Variants in ARID5A observed in about 807,000 individuals in gnomAD.
ARID5A encodes the protein AT-rich interaction domain 5A, also known as AT-rich interactive domain-containing protein 5A.
ARID5A carries 14 observed loss-of-function variants against 30.5 expected under a neutral mutation model. The observed-to-expected ratio is 0.46, with a 90% confidence interval of 0.30 to 0.72. The LOEUF is 0.72. Among genes scored for constraint, ARID5A ranks in the 30% least tolerant of loss-of-function variants. ARID5A has a pLI of 0.07. For synonymous variants in ARID5A, 338 were observed against 340.4 expected (o/e 0.99, Z 0.08); for missense variants, 669 against 786.2 (o/e 0.85, Z 1.78).
At chr2:96,540,667 A>G (rs918750320) in intron 1 of ARID5A, among the ~76,000 whole-genome samples, 13 of 152,232 alleles carry the variant, frequency 8.5e-5, no homozygotes, top group African/African-American at 2.4e-4. Flanking sequence ...GAAAGATGCA[A>G]TACTGTAAAG....
chr2:96,551,113 G>A lies in ARID5A; in HGVS notation c.585G>A (p.Lys195=), dbSNP rs2066031034. 2 of 1,612,168 alleles carry A rather than the reference G, an allele frequency of 1.2e-6. No homozygotes were observed. Among genetic ancestry groups the A allele is most frequent in the Middle Eastern group, 1.6e-4 (1 of 6,070 alleles). ...TCTCATTCCAGATGATGCCAGGAAA[G>A]ACCAAAGCAGATGCTGCTGACCCAG... ...ERRMDQMMPG[K]TKADAADPAP... Residue 195 remains lysine (K), a synonymous_variant, in exon 7 of 7, where the codon AAG becomes AAA. Transcript: ENST00000357485.
Position 96,552,107 on chromosome 2 carries a change from A to G in ARID5A, c.1579A>G (p.Ser527Gly). The G allele has an allele frequency of 6.2e-7, 1 of 1,606,588 alleles. No individual in the cohort carries two copies. ...GAAGGGCCAGGCTGCACTCCCCTTCAGCCCCCTGGTCATCCCGGCCTTCCC... is the reference window on the plus strand; with the variant it reads ...GAAGGGCCAGGCTGCACTCCCCTTCGGCCCCCTGGTCATCCCGGCCTTCCC... ...PLKGQAALPF[S>G]PLVIPAFPAH... Residue 527 changes from serine to glycine, a missense_variant, in exon 7 of 7, where the codon AGC becomes GGC. Physicochemically the swap from Ser to Gly is moderately conservative, Grantham distance 56 (BLOSUM62 0). Transcript: ENST00000357485.
intron 1 of ARID5A, among the ~76,000 whole-genome samples, chr2:96,545,811 G>A (rs1178421410): frequency 1.3e-5 from 2 of 151,842 alleles, no homozygotes; most frequent in African/African-American, 2.4e-5. Flanking sequence ...AAAATTAGCC[G>A]GGCTTAGTGG....
intron 1 of ARID5A, 25 bp downstream of exon 1, chr2:96,536,855 G>A: frequency 3.3e-6 from 4 of 1,225,680 alleles, no homozygotes; most frequent in Non-Finnish European, 4.1e-6. Context: ...GGCGCGGCCC[G>A]GACAGGGGCT....
chr2:96,551,487 C>T lies in ARID5A; in HGVS notation c.959C>T (p.Ala320Val), dbSNP rs1423457039. 6.3e-7 allele frequency: 1 copy of T among 1,589,364 alleles called. No individual in the cohort carries two copies. The highest frequency in any genetic ancestry group is 1.3e-5 in the African/African-American group (1 of 74,324). Residue 320 changes from alanine (A) to valine (V), a missense_variant, in exon 7 of 7, where the codon GCC becomes GTC. Around this residue, in one of 4 missense-constraint regions of ARID5A, gnomAD observed 548 missense variants for 577.4 expected, o/e 0.95. Coordinates refer to ENST00000357485, the MANE Select transcript of ARID5A (RefSeq NM_212481.3). Reference sequence around the variant, plus strand: ...CTGACCCCTCAGGAGGGATTGCAGGCCCCAGGTGGCAGCCTCAGAGAGGAG... The same window carrying T: ...CTGACCCCTCAGGAGGGATTGCAGGTCCCAGGTGGCAGCCTCAGAGAGGAG... ...HRLTPQEGLQ[A>V]PGGSLREEAQ...
At chr2:96,542,933 A>T (rs559185206) in intron 1 of ARID5A, among the ~76,000 whole-genome samples, 1 of 152,134 alleles carries the variant, frequency 6.6e-6, no homozygotes, top group Non-Finnish European at 1.5e-5. Context: ...GCTAGCAAAG[A>T]ACTCAAGGAT....
rs895299786 is a variant in ARID5A, at chr2:96,537,766, G to A, written c.4+936G>A. 5.2e-6 allele frequency: 4 copies of A among 765,216 alleles called. No individual in the cohort carries two copies. In the African/African-American group the frequency reaches 7.5e-5, roughly 14 times the overall value. The allele number at this position is 765,216 out of a possible 1,614,324, so 47.4% of individuals were successfully genotyped here. Reference sequence around the variant, plus strand: ...GGTGTCTAGGGGTCGCCCGGGCTGGGGTCGCGTCACCCTCCGCCCAGCGCC... The same window carrying A: ...GGTGTCTAGGGGTCGCCCGGGCTGGAGTCGCGTCACCCTCCGCCCAGCGCC... On this transcript the variant is annotated intron_variant, in intron 1 of 6. Coordinates refer to ENST00000357485, the MANE Select transcript of ARID5A (RefSeq NM_212481.3). The surrounding 1 kb of genome is among the most constrained non-coding windows in gnomAD (Gnocchi z 4.8).
At position 96,537,974 on chromosome 2, in the gene ARID5A, C is replaced by T. The variant is rs1275246613; in HGVS notation, c.4+1144C>T. Reference sequence around the variant, plus strand: ...CTCCTCTGGTGGGAGCCCACACGCACGGTGGCGTCACTGCGCCTACAGGCA... The same window carrying T: ...CTCCTCTGGTGGGAGCCCACACGCATGGTGGCGTCACTGCGCCTACAGGCA... On this transcript the variant is annotated intron_variant, in intron 1 of 6. Coordinates refer to ENST00000357485, the MANE Select transcript of ARID5A (RefSeq NM_212481.3). This position sits in a 1 kb window ranked among gnomAD's most constrained non-coding sequence, Gnocchi z 4.8. 2 of 985,348 alleles carry T rather than the reference C, an allele frequency of 2.0e-6. No individual in the cohort carries two copies. The highest frequency in any genetic ancestry group is 4.7e-5 in the South Asian group (1 of 21,288). 61.0% of individuals were successfully genotyped at this position (985,348 alleles called of 1,614,324 possible).
chr2:96,552,296 C>A lies in ARID5A; in HGVS notation c.1768C>A (p.Leu590Ile), dbSNP rs2066070200. ...TTYAAPHFFHLNTKL is the reference protein window; with the variant it reads ...TTYAAPHFFHINTKL ...CTATGCAGCGCCCCACTTCTTCCAC[C>A]TCAACACCAAGCTGTAGGCCAGCCC... The change falls in exon 7 of 7, where the codon CTC becomes ATC. Residue 590 changes from leucine to isoleucine, a missense_variant. By Grantham distance (5) the Leu-to-Ile change is conservative. Transcript: ENST00000357485. The A allele has an allele frequency of 6.2e-7, 1 of 1,613,140 alleles. No individual in the cohort carries two copies. Among genetic ancestry groups the A allele is most frequent in the Admixed American group, 1.7e-5 (1 of 59,990 alleles).
In ARID5A at chr2:96,549,364, G is replaced by T. The variant is rs61748139; in HGVS notation, c.164G>T (p.Arg55Leu). 1.6e-3 allele frequency: 2,618 copies of T among 1,613,638 alleles called. 2 individuals are homozygous for T. Among genetic ancestry groups the T allele is most frequent in the Non-Finnish European group, 1.9e-3 (2,242 of 1,179,942 alleles). ...GGGGAGCGGGAGGAGGAGCAGGAGC[G>T]GGAGGAGGAGCAGGCCTTCCTGGTC... ...AGGEREEEQE[R>L]EEEQAFLVSL... Residue 55 changes from arginine to leucine, a missense_variant, in exon 3 of 7, where the codon CGG becomes CTG. This residue lies in a region of ARID5A where 56 missense variants were observed against 72.8 expected (regional missense o/e 0.77). Coordinates refer to ENST00000357485, the MANE Select transcript of ARID5A (RefSeq NM_212481.3). This position sits in a 1 kb window ranked among gnomAD's most constrained non-coding sequence, Gnocchi z 6.1.
At chr2:96,547,810 G>C (rs1295992165) in intron 2 of ARID5A, among the ~76,000 whole-genome samples, 2 of 152,208 alleles carry the variant, frequency 1.3e-5, no homozygotes, top group African/African-American at 4.8e-5. Context: ...CATTCATTCA[G>C]ATGCATAACA....
intron 2 of ARID5A, among the ~76,000 whole-genome samples, chr2:96,547,959 C>T (rs933904013): frequency 1.3e-5 from 2 of 152,198 alleles, no homozygotes; most frequent in Admixed American, 1.3e-4. Flanking sequence ...TTTGGTGGCA[C>T]AGTCTGGAAA....
chr2:96,552,189 TCCC>T lies in ARID5A; in HGVS notation c.1665_1667del (p.Pro556del). The stretch of plus-strand genomic sequence containing the variant: ...CCCATGGCCGCTGGCCTGATGCACT[TCCC>T]CCCAACGTCCTTCGACAGTGCCCTC... On this transcript the variant is annotated inframe_deletion, in exon 7 of 7. Coordinates refer to ENST00000357485, the MANE Select transcript of ARID5A (RefSeq NM_212481.3). 1.2e-6 allele frequency: 2 copies of T among 1,613,364 alleles called. No individual in the cohort carries two copies. Among genetic ancestry groups the T allele is most frequent in the East Asian group, 4.5e-5 (2 of 44,882 alleles).
At chr2:96,538,346 C>T (rs568937495) in intron 1 of ARID5A, 23 of 985,016 alleles carry the variant, frequency 2.3e-5, no homozygotes, top group Non-Finnish European at 1.8e-5. Flanking sequence ...GAGAATGGGG[C>T]TTGGAAGTTG....
rs199541629 is a variant in ARID5A at position 96,552,194 on chromosome 2, C to A, written c.1666C>A (p.Pro556Thr). 1.1e-4 allele frequency: 177 copies of A among 1,613,562 alleles called. No individual in the cohort carries two copies. In the East Asian group the frequency reaches 3.6e-3, roughly 33 times the overall value. ...PMAAGLMHFP[P>T]TSFDSALRHR... ...GGCCGCTGGCCTGATGCACTTCCCC[C>A]CAACGTCCTTCGACAGTGCCCTCCG... Residue 556 changes from proline to threonine, a missense_variant, in exon 7 of 7, where the codon CCA (proline) becomes ACA (threonine). Coordinates refer to ENST00000357485, the MANE Select transcript of ARID5A (RefSeq NM_212481.3).
In ARID5A at chr2:96,551,569, C is replaced by T. The variant is rs2066045204; in HGVS notation, c.1041C>T (p.His347=). The change falls in exon 7 of 7, where the codon CAC becomes CAT. Residue 347 remains histidine (H), a synonymous_variant. Transcript: ENST00000357485. ...TCTTCAAGGGCTGCTTCTACACCCA[C>T]CCCACCGAGGTGCTGAAGCCTGTCA... is the stretch of plus-strand genomic sequence containing the variant. ...APIFKGCFYT[H]PTEVLKPVSQ... 1 of 1,599,222 alleles carries T rather than the reference C, an allele frequency of 6.3e-7. No homozygotes were observed. The highest frequency in any genetic ancestry group is 8.5e-7 in the Non-Finnish European group (1 of 1,175,054).
chr2:96,549,494 C>A lies in ARID5A; in HGVS notation c.259+35C>A. On this transcript the variant is annotated intron_variant, in intron 3 of 6. Coordinates refer to ENST00000357485, the MANE Select transcript of ARID5A (RefSeq NM_212481.3). This position sits in a 1 kb window ranked among gnomAD's most constrained non-coding sequence, Gnocchi z 6.1. ...TGGGGTGCAGGCAGGGAGGGGGGCC[C>A]AGCAGGGGACCCCGCCCAGGCAGGG... is the stretch of plus-strand genomic sequence containing the variant. 6.2e-7 allele frequency: 1 copy of A among 1,601,304 alleles called. No homozygotes were observed. Among genetic ancestry groups the A allele is most frequent in the Non-Finnish European group, 8.5e-7 (1 of 1,172,534 alleles).
Position 96,551,587 on chromosome 2 carries a change from G to C in ARID5A, c.1059G>C (p.Lys353Asn). 6.3e-7 allele frequency: 1 copy of C among 1,580,976 alleles called. No individual in the cohort carries two copies. The change falls in exon 7 of 7, where the codon AAG becomes AAC. Residue 353 changes from lysine (K) to asparagine (N), a missense_variant. Lys to Asn is a moderately conservative substitution (Grantham distance 94, BLOSUM62 0). Coordinates refer to ENST00000357485, the MANE Select transcript of ARID5A (RefSeq NM_212481.3). Reference protein sequence around the residue: ...CFYTHPTEVLKPVSQHPRDFF... With the variant: ...CFYTHPTEVLNPVSQHPRDFF... Reference sequence around the variant, plus strand: ...ACACCCACCCCACCGAGGTGCTGAAGCCTGTCAGCCAGCACCCCAGGGACT... The same window carrying C: ...ACACCCACCCCACCGAGGTGCTGAACCCTGTCAGCCAGCACCCCAGGGACT...
rs1422900246 is a variant in ARID5A, at chr2:96,551,548, C to T, written c.1020C>T (p.Phe340=). The change falls in exon 7 of 7, where the codon TTC becomes TTT. Residue 340 remains phenylalanine, a synonymous_variant. Coordinates refer to ENST00000357485, the MANE Select transcript of ARID5A (RefSeq NM_212481.3). ...QAGPCPAAPI[F]KGCFYTHPTE... is the part of the protein sequence containing the mutation. ...GCCCCTGCCCGGCAGCCCCCATCTT[C>T]AAGGGCTGCTTCTACACCCACCCCA... The T allele has an allele frequency of 6.2e-7, 1 of 1,607,048 alleles. No individual in the cohort carries two copies. The highest frequency in any genetic ancestry group is 8.5e-7 in the Non-Finnish European group (1 of 1,177,624).
Sources: gnomAD v4.1 joint callset for allele counts (sites outside exome capture counted in the v4.1 genomes callset) on GRCh38, gnomAD v4.1.1 for gene constraint, gnomAD v4.1.1 regional missense constraint, Gnocchi (gnomAD v3.1) non-coding constraint, MANE v1.5 for transcripts, NCBI Gene and HGNC (gene_info 2026-07-23, HGNC 2026-07-21) for gene names.